The following ACADL variants were observed in gnomAD, a reference collection of about 807,000 sequenced individuals.
ACADL encodes the protein long-chain specific acyl-CoA dehydrogenase, mitochondrial.
In ACADL, 60 loss-of-function variants were observed where a neutral mutation model predicts 56.9. That is an observed-to-expected ratio of 1.05 (90% CI 0.86 to 1.31). The LOEUF is 1.31. ACADL is among the 50% of genes most tolerant of loss of function. ACADL has a pLI of 0.00. For synonymous variants in ACADL, 158 were observed against 179.7 expected (o/e 0.88, Z 0.97); for missense variants, 484 against 525.5 (o/e 0.92, Z 0.77).
At chr2:210,210,283 A>G (rs1487334443) in intron 4 of ACADL, 21 bp from the exon 5 acceptor site, 2 of 1,539,834 alleles carry the variant, frequency 1.3e-6, no homozygotes, top group South Asian at 1.1e-5. Context: ...AAGAAAAGAT[A>G]AAAAATTCAT....
At chr2:210,224,065 A>G (rs1291634724) in intron 1 of ACADL, among the ~76,000 whole-genome samples, 1 of 151,842 alleles carries the variant, frequency 6.6e-6, no homozygotes, top group Non-Finnish European at 1.5e-5. Context: ...CGTCTCTACT[A>G]AAAAGATCAG....
chr2:210,200,520 AG>A (rs1688775274), intron 8 of ACADL, among the ~76,000 whole-genome samples: 1 of 152,184 alleles, frequency 6.6e-6, no homozygotes, highest in African/African-American at 2.4e-5. Flanking sequence ...CGTGTAAATC[AG>A]TGATCCATAA....
Position 210,203,379 on chromosome 2 carries a change from G to GTTAAACATAACA in ACADL, c.935_936insTGTTATGTTTAA (p.Asn312_Tyr313insValMetPheAsn), listed in dbSNP as rs779456934. 6.5e-3 allele frequency: 10,525 copies of GTTAAACATAACA among 1,611,276 alleles called. 49 individuals are homozygous for GTTAAACATAACA. The highest frequency in any genetic ancestry group is 7.5e-3 in the Non-Finnish European group (8,821 of 1,177,648). On this transcript the variant is annotated inframe_insertion, in exon 8 of 11. Coordinates refer to ENST00000233710, the MANE Select transcript of ACADL (RefSeq NM_001608.4). ...CAAAAGCTTTTCTTTGTTTAACATAGTTCCTGGTTTCTTCAAACATGAATT... is the reference window on the plus strand; with the variant it reads ...CAAAAGCTTTTCTTTGTTTAACATAGTTAAACATAACATTCCTGGTTTCTTCAAACATGAATT...
chr2:210,191,977 G>A (rs1266288543), intron 10 of ACADL, among the ~76,000 whole-genome samples: 1 of 152,080 alleles, frequency 6.6e-6, no homozygotes, highest in African/African-American at 2.4e-5. Flanking sequence ...TTACAAATTA[G>A]TACTGCTTCA....
intron 5 of ACADL, among the ~76,000 whole-genome samples, chr2:210,207,254 C>T (rs1226942712): frequency 2.6e-5 from 4 of 152,142 alleles, no homozygotes; most frequent in African/African-American, 7.2e-5. Context: ...ATCATATCAC[C>T]TTCACACTTA....
rs1443407185 is a variant in ACADL at position 210,205,611 on chromosome 2, ATGATTTACATTATCACTCACC to A, written c.768_768+20del. 57 of 1,611,414 alleles carry A rather than the reference ATGATTTACATTATCACTCACC, an allele frequency of 3.5e-5. No homozygotes were observed. The highest frequency in any genetic ancestry group is 4.8e-5 in the Non-Finnish European group (57 of 1,177,970). The stretch of plus-strand genomic sequence containing the variant: ...CAGTAAACTCAATTAGTATCTGAAT[ATGATTTACATTATCACTCACC>A]TGGGCTTTTAATCCCATTTTATGTA... On this transcript the variant is annotated splice_donor_variant and splice_donor_5th_base_variant and coding_sequence_variant and intron_variant, in exon 6 of 11. Coordinates refer to ENST00000233710, the MANE Select transcript of ACADL (RefSeq NM_001608.4). LOFTEE classifies it high-confidence loss of function.
intron 10 of ACADL, among the ~76,000 whole-genome samples, chr2:210,189,574 G>GT: frequency 6.6e-6 from 1 of 151,980 alleles, no homozygotes; most frequent in Non-Finnish European, 1.5e-5. Context: ...CAAGTAACTT[G>GT]TTTTTTGGAA....
chr2:210,210,514 A>G (rs959627204), intron 4 of ACADL, among the ~76,000 whole-genome samples: 1 of 152,226 alleles, frequency 6.6e-6, no homozygotes, highest in Non-Finnish European at 1.5e-5. Flanking sequence ...TAGTATAACA[A>G]AGCCCAACTA....
intron 9 of ACADL, 46 bp from the exon 10 acceptor site, chr2:210,192,936 T>G (rs888357864): frequency 6.8e-7 from 1 of 1,468,194 alleles, no homozygotes. Context: ...TTGAAATGGA[T>G]TTTCATGAGG....
intron 10 of ACADL, among the ~76,000 whole-genome samples, chr2:210,191,046 G>C (rs996053449): frequency 6.6e-6 from 1 of 151,818 alleles, no homozygotes; most frequent in African/African-American, 2.4e-5. Flanking sequence ...GAGTAGCTGG[G>C]ACTACAGGCA....
At chr2:210,205,358 T>C (rs1688866342) in intron 6 of ACADL, among the ~76,000 whole-genome samples, 1 of 152,184 alleles carries the variant, frequency 6.6e-6, no homozygotes, top group South Asian at 2.1e-4. Flanking sequence ...TTTTCTTTAA[T>C]GCATTTTACA....
chr2:210,210,098 G>T, intron 5 of ACADL, 98 bp downstream of exon 5: 2 of 919,658 alleles, frequency 2.2e-6, no homozygotes, highest in Non-Finnish European at 1.8e-6. Flanking sequence ...TCCTGCCTGA[G>T]TCCCTAGATT....
intron 8 of ACADL, 140 bp downstream of exon 8, chr2:210,203,191 C>T: frequency 1.5e-6 from 1 of 689,402 alleles, no homozygotes. Context: ...TCTCTACTAT[C>T]TCTCCTTAGT....
intron 8 of ACADL, among the ~76,000 whole-genome samples, chr2:210,199,831 G>GC (rs1688765191): frequency 6.6e-6 from 1 of 152,054 alleles, no homozygotes; most frequent in African/African-American, 2.4e-5. Context: ...TGCAACATCT[G>GC]CCTCCAGGGC....
chr2:210,218,535 C>T (rs371984159), intron 2 of ACADL: 1 of 181,406 alleles, frequency 5.5e-6, no homozygotes, highest in Non-Finnish European at 1.2e-5. Flanking sequence ...AGTCCTCAAA[C>T]CTTAGCCTCC....
At chr2:210,224,325 AC>A in intron 1 of ACADL, 1 of 890,230 alleles carries the variant, frequency 1.1e-6, no homozygotes, top group Non-Finnish European at 1.3e-6. Context: ...CTTCTCAGTG[AC>A]GTCTTCCCAA....
intron 4 of ACADL, among the ~76,000 whole-genome samples, chr2:210,211,955 C>G (rs1047020310): frequency 6.6e-6 from 1 of 151,900 alleles, no homozygotes; most frequent in Non-Finnish European, 1.5e-5. Flanking sequence ...CTCAGCCTCC[C>G]CAGTATCTGG....
Position 210,214,503 on chromosome 2 carries a change from G to GAAAGAAAGAAAGAAAGAAAGAA in ACADL, c.536+1843_536+1844insTTCTTTCTTTCTTTCTTTCTTT, listed in dbSNP as rs1553691033. Among the ~76,000 whole-genome samples the GAAAGAAAGAAAGAAAGAAAGAA allele has an allele frequency of 6.0e-5, 9 of 150,510 alleles. No individual in the cohort carries two copies. The South Asian group carries it at 6.3e-4, about 10-fold the overall frequency. On this transcript the variant is annotated intron_variant, in intron 4 of 10. Coordinates refer to ENST00000233710, the MANE Select transcript of ACADL (RefSeq NM_001608.4). ...AGAAAGAAAGAAAGAAAGAAAGAAA[G>GAAAGAAAGAAAGAAAGAAAGAA]AAAGAAAAAGAAAGAAAGAAAGAAA... is the stretch of plus-strand genomic sequence containing the variant.
chr2:210,222,843 C>T (rs1016200194), intron 1 of ACADL, among the ~76,000 whole-genome samples: 19 of 152,204 alleles, frequency 1.2e-4, no homozygotes, highest in African/African-American at 3.1e-4. Flanking sequence ...CTAACATCTA[C>T]TTTATCCCTA....
Sources: allele counts gnomAD v4.1 joint callset (sites outside exome capture counted in the v4.1 genomes callset), GRCh38; gene constraint gnomAD v4.1.1; transcripts MANE v1.5; gene names NCBI Gene and HGNC (gene_info 2026-07-23, HGNC 2026-07-21).